PSMF1: variants seen among roughly 807,000 people sequenced by gnomAD.
PSMF1 encodes the protein proteasome inhibitor PI31 subunit.
A neutral mutation model predicts 29.3 loss-of-function variants in PSMF1; 30 were observed. That is an observed-to-expected ratio of 1.02 (90% CI 0.77 to 1.39). The LOEUF (loss-of-function observed/expected upper bound fraction) is 1.39, where lower values mean the gene tolerates loss of function less well. PSMF1 is among the 40% of genes most tolerant of loss of function. The pLI is 0.00. For synonymous variants in PSMF1, 134 were observed against 139.7 expected (o/e 0.96, Z 0.29); for missense variants, 344 against 357.5 (o/e 0.96, Z 0.31).
At chr20:1,145,161 T>C (rs2086433796) in intron 4 of PSMF1, among the ~76,000 whole-genome samples, 1 of 152,196 alleles carries the variant, frequency 6.6e-6, no homozygotes, top group Admixed American at 6.5e-5. Context: ...GCTGGGATCA[T>C]AGGCATAAGC....
intron 3 of PSMF1, among the ~76,000 whole-genome samples, chr20:1,133,601 TG>T (rs1215602828): frequency 7.0e-6 from 1 of 142,478 alleles, no homozygotes; most frequent in Non-Finnish European, 1.5e-5. Context: ...AGTCTTTGCC[TG>T]GTTTTGATAC....
Position 1,165,726 on chromosome 20 carries a change from T to G in PSMF1, c.*646T>G. ...ATGACTTTCACAAGGGCAGGAACAT[T>G]GTGGAAAGACTGCATCATTCTGATG... On this transcript the variant is annotated 3_prime_UTR_variant, in exon 7 of 7. Coordinates refer to ENST00000335877, the MANE Select transcript of PSMF1 (RefSeq NM_006814.5). 2 of 1,006,194 alleles carry G rather than the reference T, an allele frequency of 2.0e-6. No individual in the cohort carries two copies. The highest frequency in any genetic ancestry group is 1.2e-6 in the Non-Finnish European group (1 of 841,644). 62.3% of individuals were successfully genotyped at this position (1,006,194 alleles called of 1,614,324 possible). A position where few individuals can be genotyped will look rare whatever the true frequency, so the allele number is the denominator to read the frequency against.
intron 4 of PSMF1, among the ~76,000 whole-genome samples, chr20:1,152,830 A>G (rs1002938030): frequency 1.3e-5 from 2 of 152,316 alleles, no homozygotes; most frequent in African/African-American, 4.8e-5. Context: ...ACTCAAGGAC[A>G]ATGCAAGTTC....
intron 1 of PSMF1, chr20:1,113,465 C>A (rs917547888): frequency 7.7e-5 from 12 of 154,998 alleles, no homozygotes; most frequent in Non-Finnish European, 1.7e-4. Flanking sequence ...CACACACACA[C>A]ACACACACAC....
rs143333068 is a variant in PSMF1, at chr20:1,171,984, G to A, written c.*6904G>A. ...GCCATGGTGGCCTTGGACAAGTTTG[G>A]CTTTCCCCATCTGTAAAATGTAGAT... is the stretch of plus-strand genomic sequence containing the variant. On this transcript the variant is annotated 3_prime_UTR_variant, in exon 7 of 7. Transcript: ENST00000335877. 4.1e-3 allele frequency among the ~76,000 whole-genome samples: 628 copies of A among 152,336 alleles called. 4 individuals carry two copies. Among genetic ancestry groups the A allele is most frequent in the Middle Eastern group, 0.02 (6 of 294 alleles).
At chr20:1,129,114 C>T (rs1414602609) in intron 3 of PSMF1, among the ~76,000 whole-genome samples, 3 of 151,970 alleles carry the variant, frequency 2.0e-5, no homozygotes, top group East Asian at 3.9e-4. Context: ...CTCCTGACCT[C>T]GTGATCCACC....
rs1200118008 is a variant in PSMF1 at position 1,163,410 on chromosome 20, C to A, written c.605+227C>A. 6.6e-6 allele frequency among the ~76,000 whole-genome samples: 1 copy of A among 152,200 alleles called. No homozygotes were observed. The highest frequency in any genetic ancestry group is 2.4e-5 in the African/African-American group (1 of 41,444). On this transcript the variant is annotated intron_variant, in intron 5 of 6. Transcript: ENST00000335877. This position sits in a 1 kb window ranked among gnomAD's most constrained non-coding sequence, Gnocchi z 6.1. ...CAGGGAGGTGAACAAGCCTAGCAGG[C>A]AGCTCTTCTGCCATTTCCCGGTCCC...
chr20:1,121,552 A>G (rs114839759), intron 1 of PSMF1, among the ~76,000 whole-genome samples: 137 of 152,118 alleles, frequency 9.0e-4, no homozygotes, highest in African/African-American at 3.1e-3. Context: ...GGGCCAGCCA[A>G]CTCAGCTGAC....
upstream of PSMF1, chr20:1,118,497 G>A (rs1024308680): frequency 1.1e-4 from 35 of 306,514 alleles, no homozygotes; most frequent in East Asian, 1.8e-3. Flanking sequence ...CGGCTTTGAG[G>A]GGCCACGCCC....
chr20:1,143,304 T>C (rs899972463), intron 4 of PSMF1, among the ~76,000 whole-genome samples: 1 of 152,158 alleles, frequency 6.6e-6, no homozygotes, highest in African/African-American at 2.4e-5. Context: ...GGGACAGACA[T>C]ATAGATAAGT....
chr20:1,125,485 G>A lies in PSMF1; in HGVS notation c.130-13G>A, dbSNP rs1343417739. ...GTTCATGATCTTTCTCCTCTCAACT[G>A]TGGTCTTCCCAGCCGGGTCCCAATG... On this transcript the variant is annotated splice_polypyrimidine_tract_variant and intron_variant, in intron 1 of 6. Transcript: ENST00000335877. 3 of 1,595,530 alleles carry A rather than the reference G, an allele frequency of 1.9e-6. No homozygotes were observed. The highest frequency in any genetic ancestry group is 3.5e-5 in the Admixed American group (2 of 56,712).
chr20:1,118,734 GC>G lies in PSMF1; in HGVS notation c.-35del. 6.3e-7 allele frequency: 1 copy of G among 1,597,250 alleles called. No homozygotes were observed. ...GGAGCCGGCTCACTGCACTACCCCC[GC>G]CCCCTTCTTTCCTCCAGACGCCGAA... On this transcript the variant is annotated 5_prime_UTR_variant, in exon 1 of 7. Coordinates refer to ENST00000335877, the MANE Select transcript of PSMF1 (RefSeq NM_006814.5).
intron 4 of PSMF1, among the ~76,000 whole-genome samples, chr20:1,141,922 A>G (rs6077887): frequency 0.15 from 23,087 of 152,294 alleles, 1,930 homozygotes; most frequent in Non-Finnish European, 0.17. Flanking sequence ...TAGTTGTTCA[A>G]CAACTACTCA....
rs374138693 is a variant in PSMF1, at chr20:1,165,135, C to T, written c.*55C>T. Reference sequence around the variant, plus strand: ...CCCTCCATTCTCCTGGAGCTGCCACCGCTGTCCCCATCAGCAACCATGTTC... The same window carrying T: ...CCCTCCATTCTCCTGGAGCTGCCACTGCTGTCCCCATCAGCAACCATGTTC... On this transcript the variant is annotated 3_prime_UTR_variant, in exon 7 of 7. Transcript: ENST00000335877. 3.4e-5 allele frequency: 55 copies of T among 1,613,638 alleles called. No homozygotes were observed. The highest frequency in any genetic ancestry group is 3.3e-4 in the Middle Eastern group (2 of 6,080).
upstream of PSMF1, among the ~76,000 whole-genome samples, chr20:1,115,737 C>CTTT (rs11087011): frequency 9.1e-4 from 130 of 142,894 alleles, 3 homozygotes; most frequent in East Asian, 5.0e-3. Flanking sequence ...CCTTAATCCA[C>CTTT]TTTTTTTTTT....
intron 1 of PSMF1, among the ~76,000 whole-genome samples, chr20:1,122,377 G>A (rs2086100534): frequency 6.8e-6 from 1 of 146,038 alleles, no homozygotes; most frequent in Non-Finnish European, 1.5e-5. Flanking sequence ...TTGGCTCACT[G>A]TAACCTCTGC....
chr20:1,134,909 A>G (rs1182579766), intron 3 of PSMF1: 2 of 655,048 alleles, frequency 3.1e-6, no homozygotes, highest in African/African-American at 3.6e-5. Flanking sequence ...TCAGATGCCT[A>G]AGAAGCTTGG....
chr20:1,153,752 T>C (rs780134314), intron 4 of PSMF1, among the ~76,000 whole-genome samples: 1 of 152,154 alleles, frequency 6.6e-6, no homozygotes, highest in Non-Finnish European at 1.5e-5. Context: ...GTCTAAAATC[T>C]TATCTAAGTC....
At chr20:1,124,581 A>C (rs899142949) in intron 1 of PSMF1, among the ~76,000 whole-genome samples, 17 of 152,244 alleles carry the variant, frequency 1.1e-4, no homozygotes, top group African/African-American at 3.1e-4. Context: ...AGATGTGTAC[A>C]AGAATGTTCA....
Sources: gnomAD v4.1 joint callset for allele counts (sites outside exome capture counted in the v4.1 genomes callset) on GRCh38, gnomAD v4.1.1 for gene constraint, Gnocchi (gnomAD v3.1) non-coding constraint, MANE v1.5 for transcripts, NCBI Gene and HGNC (gene_info 2026-07-23, HGNC 2026-07-21) for gene names.